Variants in CENPW observed in about 807,000 individuals in gnomAD.
CENPW encodes the protein centromere protein W, also known as cancer-up-regulated gene 2 protein.
In CENPW, 3 loss-of-function variants were observed where a neutral mutation model predicts 11.1. The ratio of observed to expected loss-of-function variants is 0.27; its 90% CI spans 0.12 to 0.70. CENPW has a LOEUF of 0.70. CENPW is among the 30% of genes least tolerant of loss of function. The probability of loss-of-function intolerance (pLI) is 0.77; values close to 1 mark genes in which losing one functional copy is unlikely to be tolerated. For synonymous variants in CENPW, 38 were observed against 42.0 expected (o/e 0.91, Z 0.37); for missense variants, 100 against 105.6 (o/e 0.95, Z 0.23).
chr6:126,445,442 C>T, the CENPW span, among the ~76,000 whole-genome samples: 2 of 151,162 alleles, frequency 1.3e-5, no homozygotes, highest in Non-Finnish European at 3.0e-5. Context: ...TCGGTTTATT[C>T]TTAATCTTAT....
the CENPW span, among the ~76,000 whole-genome samples, chr6:126,463,883 T>A: frequency 6.6e-6 from 1 of 152,058 alleles, no homozygotes; most frequent in African/African-American, 2.4e-5. Flanking sequence ...ATAGTGCCAA[T>A]TTTTCATAAA....
intron 1 of CENPW, among the ~76,000 whole-genome samples, chr6:126,340,915 C>A (rs1340307861): frequency 2.0e-5 from 3 of 152,132 alleles, no homozygotes; most frequent in African/African-American, 7.2e-5. Flanking sequence ...ACGCATTTAA[C>A]CAAACATTGC....
the CENPW span, among the ~76,000 whole-genome samples, chr6:126,385,544 A>G: frequency 2.6e-5 from 4 of 152,134 alleles, no homozygotes; most frequent in Non-Finnish European, 5.9e-5. Flanking sequence ...TTGCTTATTC[A>G]TTGATATAGT....
the CENPW span, among the ~76,000 whole-genome samples, chr6:126,442,463 A>G: frequency 6.6e-6 from 1 of 151,452 alleles, no homozygotes; most frequent in Non-Finnish European, 1.5e-5. Context: ...TTCACAATCT[A>G]TACATCCAGC....
At chr6:126,406,975 A>G in the CENPW span, among the ~76,000 whole-genome samples, 1 of 152,084 alleles carries the variant, frequency 6.6e-6, no homozygotes, top group African/African-American at 2.4e-5. Flanking sequence ...CAGGATGTAC[A>G]GGGTTGTTAC....
the CENPW span, among the ~76,000 whole-genome samples, chr6:126,407,740 T>C: frequency 3.3e-5 from 5 of 152,304 alleles, no homozygotes; most frequent in East Asian, 9.6e-4. Context: ...TTTTGAGAAG[T>C]GTCTGTTCAC....
the CENPW span, among the ~76,000 whole-genome samples, chr6:126,406,379 A>C: frequency 6.6e-6 from 1 of 152,152 alleles, no homozygotes; most frequent in African/African-American, 2.4e-5. Flanking sequence ...ATCTATGTTC[A>C]TCAAGGATAT....
chr6:126,353,369 G>A (rs576361258), downstream of CENPW, among the ~76,000 whole-genome samples: 8 of 151,778 alleles, frequency 5.3e-5, no homozygotes, highest in East Asian at 1.5e-3. Flanking sequence ...AGATAGGAAA[G>A]TCTAGATTGC....
chr6:126,370,377 T>C, the CENPW span, among the ~76,000 whole-genome samples: 34 of 152,220 alleles, frequency 2.2e-4, no homozygotes, highest in Non-Finnish European at 4.0e-4. Flanking sequence ...TTCACAGTGT[T>C]GATTCTACCC....
chr6:126,383,539 G>A, the CENPW span, among the ~76,000 whole-genome samples: 1 of 152,024 alleles, frequency 6.6e-6, no homozygotes, highest in Non-Finnish European at 1.5e-5. Flanking sequence ...CATCTCACAT[G>A]CAGTGACATC....
the CENPW span, among the ~76,000 whole-genome samples, chr6:126,388,043 G>A: frequency 6.6e-6 from 1 of 151,880 alleles, no homozygotes; most frequent in East Asian, 1.9e-4. Flanking sequence ...ACCATATACA[G>A]TAGCACAAAA....
At chr6:126,381,854 G>T in the CENPW span, among the ~76,000 whole-genome samples, 1 of 152,118 alleles carries the variant, frequency 6.6e-6, no homozygotes, top group Non-Finnish European at 1.5e-5. Context: ...GTCCCCTAAA[G>T]TTAGAGCACA....
At chr6:126,393,770 G>C in the CENPW span, among the ~76,000 whole-genome samples, 1 of 148,590 alleles carries the variant, frequency 6.7e-6, no homozygotes, top group Non-Finnish European at 1.5e-5. Flanking sequence ...ATTATATGTG[G>C]ATATATATTT....
At chr6:126,369,907 G>T in the CENPW span, among the ~76,000 whole-genome samples, 3 of 152,114 alleles carry the variant, frequency 2.0e-5, no homozygotes, top group Non-Finnish European at 4.4e-5. Flanking sequence ...TATGGTTTCT[G>T]GTCTTTGATT....
chr6:126,402,329 C>T, the CENPW span, among the ~76,000 whole-genome samples: 1 of 151,578 alleles, frequency 6.6e-6, no homozygotes, highest in Admixed American at 6.6e-5. Context: ...CCCTTCCTTC[C>T]CCTCTCCATC....
At chr6:126,418,377 A>T in the CENPW span, among the ~76,000 whole-genome samples, 1 of 152,222 alleles carries the variant, frequency 6.6e-6, no homozygotes, top group South Asian at 2.1e-4. Context: ...GAATAAATAA[A>T]ATGTGGTATA....
the CENPW span, among the ~76,000 whole-genome samples, chr6:126,457,470 A>C: frequency 1.3e-5 from 2 of 151,492 alleles, no homozygotes; most frequent in African/African-American, 4.8e-5. Flanking sequence ...GCAGAAAACC[A>C]AATACTGTAT....
At chr6:126,477,885 C>T in the CENPW span, among the ~76,000 whole-genome samples, 1 of 151,916 alleles carries the variant, frequency 6.6e-6, no homozygotes, top group Non-Finnish European at 1.5e-5. Context: ...CAGTTTACTC[C>T]TCTTATTGCC....
chr6:126,378,496 A>G, the CENPW span, among the ~76,000 whole-genome samples: 1 of 151,958 alleles, frequency 6.6e-6, no homozygotes, highest in African/African-American at 2.4e-5. Context: ...TATTAACTTC[A>G]ATCAATGTAG....
Sources: gnomAD v4.1 joint callset for allele counts (sites outside exome capture counted in the v4.1 genomes callset) on GRCh38, gnomAD v4.1.1 for gene constraint, MANE v1.5 for transcripts, NCBI Gene and HGNC (gene_info 2026-07-23, HGNC 2026-07-21) for gene names.